LRRC40: variants seen among roughly 807,000 people sequenced by gnomAD.
LRRC40 encodes the protein leucine-rich repeat-containing protein 40.
Under a neutral mutation model 72.8 loss-of-function variants are expected in LRRC40, and 76 were observed. The observed-to-expected ratio is 1.04, with a 90% CI of 0.87 to 1.26. LRRC40 has a LOEUF of 1.26. Among genes scored for constraint, LRRC40 ranks in the 50% most tolerant of loss-of-function variants. The pLI is 0.00. For missense variants in LRRC40, 684 were observed against 698.9 expected, an observed-to-expected ratio of 0.98 and a Z score of 0.24; for synonymous variants, 243 against 254.2, an observed-to-expected ratio of 0.96 and a Z score of 0.42.
chr1:70,154,548 G>A (rs1667595632), intron 11 of LRRC40, among the ~76,000 whole-genome samples: 1 of 152,136 alleles, frequency 6.6e-6, no homozygotes, highest in Non-Finnish European at 1.5e-5. Context: ...CCAGAAGATG[G>A]ATTAGAGATC....
intron 1 of LRRC40, 34 bp downstream of exon 1, chr1:70,205,356 G>C: frequency 6.6e-7 from 1 of 1,520,564 alleles, no homozygotes; most frequent in Non-Finnish European, 8.9e-7. Context: ...CTTTCTGACA[G>C]GAGACACAAT....
chr1:70,174,850 C>A (rs190370719), intron 7 of LRRC40, among the ~76,000 whole-genome samples: 1 of 151,960 alleles, frequency 6.6e-6, no homozygotes, highest in African/African-American at 2.4e-5. Flanking sequence ...GCTGTGATTA[C>A]GGTTACACAA....
chr1:70,164,363 C>T (rs1207419748), intron 9 of LRRC40, among the ~76,000 whole-genome samples: 2 of 152,054 alleles, frequency 1.3e-5, no homozygotes, highest in African/African-American at 4.8e-5. Context: ...GCACTCCAAC[C>T]TGGGCAACGA....
At chr1:70,155,310 C>A (rs1667612833) in intron 11 of LRRC40, among the ~76,000 whole-genome samples, 1 of 151,962 alleles carries the variant, frequency 6.6e-6, no homozygotes, top group African/African-American at 2.4e-5. Context: ...TCCTATTAAT[C>A]CACATGGACC....
chr1:70,161,652 C>T (rs1338714072), intron 9 of LRRC40, among the ~76,000 whole-genome samples: 1 of 151,928 alleles, frequency 6.6e-6, no homozygotes, highest in South Asian at 2.1e-4. Flanking sequence ...TCACCTAGAA[C>T]GAAGTCTTCA....
At chr1:70,177,935 C>T (rs748420370) in intron 6 of LRRC40, among the ~76,000 whole-genome samples, 6 of 152,198 alleles carry the variant, frequency 3.9e-5, no homozygotes, top group Admixed American at 6.5e-5. Flanking sequence ...TTTATGATGA[C>T]TGACTTCCAT....
At chr1:70,181,746 G>T (rs1668251630) in intron 4 of LRRC40, among the ~76,000 whole-genome samples, 1 of 151,978 alleles carries the variant, frequency 6.6e-6, no homozygotes, top group Non-Finnish European at 1.5e-5. Flanking sequence ...AGTCAGATCT[G>T]ATTGGTACCA....
chr1:70,188,777 A>G (rs1668424867), intron 2 of LRRC40, among the ~76,000 whole-genome samples: 1 of 152,210 alleles, frequency 6.6e-6, no homozygotes, highest in African/African-American at 2.4e-5. Flanking sequence ...TTCTGTCTGT[A>G]TTCATTAACT....
chr1:70,172,414 C>T (rs1045082163), intron 9 of LRRC40, among the ~76,000 whole-genome samples: 2 of 152,116 alleles, frequency 1.3e-5, no homozygotes, highest in African/African-American at 2.4e-5. Context: ...ATTTCCATTA[C>T]CAATTTTCTT....
intron 1 of LRRC40, among the ~76,000 whole-genome samples, chr1:70,191,343 A>C (rs1303057116): frequency 6.6e-6 from 1 of 152,198 alleles, no homozygotes; most frequent in African/African-American, 2.4e-5. Flanking sequence ...ATACCTAAAA[A>C]GCAGTGTAAT....
intron 6 of LRRC40, among the ~76,000 whole-genome samples, chr1:70,177,206 G>T (rs540199393): frequency 3.4e-4 from 52 of 152,274 alleles, no homozygotes; most frequent in Admixed American, 1.6e-3. Flanking sequence ...AACTCGTGAG[G>T]CGGAGGTTGC....
At chr1:70,176,691 TA>T (rs1668113383) in intron 6 of LRRC40, among the ~76,000 whole-genome samples, 1 of 152,106 alleles carries the variant, frequency 6.6e-6, no homozygotes. Flanking sequence ...AACAAGTGTT[TA>T]AACTGTGAGG....
chr1:70,145,935 A>T, intron 14 of LRRC40, 30 bp from the exon 15 acceptor site: 1 of 1,069,672 alleles, frequency 9.3e-7, no homozygotes, highest in Non-Finnish European at 1.4e-6. Flanking sequence ...TGAGAATGTA[A>T]ACATTTTCCA....
chr1:70,158,099 CAAA>C (rs35925333), intron 10 of LRRC40, among the ~76,000 whole-genome samples: 437 of 19,038 alleles, frequency 0.023, 1 homozygote, highest in African/African-American at 0.069. Context: ...GACCCTGCCT[CAAA>C]AAAAAAAAAA....
intron 7 of LRRC40, among the ~76,000 whole-genome samples, chr1:70,174,190 T>C (rs1338396225): frequency 1.3e-5 from 2 of 152,070 alleles, no homozygotes; most frequent in Non-Finnish European, 2.9e-5. Flanking sequence ...TAAAAACCAT[T>C]CATACATAAA....
chr1:70,177,699 A>G (rs1668139668), intron 6 of LRRC40, among the ~76,000 whole-genome samples: 1 of 152,234 alleles, frequency 6.6e-6, no homozygotes, highest in Admixed American at 6.5e-5. Flanking sequence ...CATTTCAGAC[A>G]GATGATTCAT....
intron 6 of LRRC40, among the ~76,000 whole-genome samples, chr1:70,176,939 A>G (rs1016386728): frequency 3.3e-5 from 5 of 152,248 alleles, no homozygotes; most frequent in Admixed American, 2.0e-4. Flanking sequence ...CTTACATACA[A>G]CTTACAGAGA....
At chr1:70,159,469 A>G (rs775226552) in intron 9 of LRRC40, 31 bp from the exon 10 acceptor site, 1 of 913,208 alleles carries the variant, frequency 1.1e-6, no homozygotes, top group East Asian at 2.5e-5. Context: ...TGAAGCCAAT[A>G]TTTATACTAC....
intron 1 of LRRC40, among the ~76,000 whole-genome samples, chr1:70,203,039 C>T (rs1348690683): frequency 6.6e-6 from 1 of 152,150 alleles, no homozygotes; most frequent in Non-Finnish European, 1.5e-5. Flanking sequence ...TAAAGGCGCA[C>T]GCCACCATGC....
Sources: gnomAD v4.1 joint callset for allele counts (sites outside exome capture counted in the v4.1 genomes callset) on GRCh38, gnomAD v4.1.1 for gene constraint, MANE v1.5 for transcripts, NCBI Gene and HGNC (gene_info 2026-07-23, HGNC 2026-07-21) for gene names.